The following CLIP2 variants were observed in gnomAD, a reference collection of about 807,000 sequenced individuals.
The protein encoded by CLIP2 is CAP-Gly domain containing linker protein 2.
CLIP2 carries 41 observed loss-of-function variants against 111.7 expected under a neutral mutation model. That is an observed-to-expected ratio of 0.37 (90% CI 0.29 to 0.48). The LOEUF is 0.48. Among genes scored for constraint, CLIP2 ranks in the 20% least tolerant of loss-of-function variants. The pLI is 0.99. For synonymous variants in CLIP2, 660 were observed against 644.2 expected (o/e 1.02, Z -0.37); for missense variants, 1,160 against 1,422.1 (o/e 0.82, Z 2.96).
At chr7:74,370,073 G>A (rs1407533953) in intron 8 of CLIP2, among the ~76,000 whole-genome samples, 2 of 76,404 alleles carry the variant, frequency 2.6e-5, no homozygotes, top group East Asian at 8.7e-4. Context: ...CAGGAGAATC[G>A]CTTGAACCCA....
chr7:74,315,823 C>T (rs1788753332), intron 1 of CLIP2, among the ~76,000 whole-genome samples: 2 of 151,940 alleles, frequency 1.3e-5, no homozygotes, highest in South Asian at 4.1e-4. Flanking sequence ...CCGCCCACCT[C>T]AGCCTCTCAA....
At chr7:74,310,673 C>T (rs181470664) in intron 1 of CLIP2, among the ~76,000 whole-genome samples, 24 of 151,438 alleles carry the variant, frequency 1.6e-4, no homozygotes, top group African/African-American at 5.1e-4. Context: ...ATTTTTGCTT[C>T]TCTTGGGTGG....
At chr7:74,324,278 C>A (rs1554730409) in intron 2 of CLIP2, among the ~76,000 whole-genome samples, 1 of 152,196 alleles carries the variant, frequency 6.6e-6, no homozygotes, top group African/African-American at 2.4e-5. Context: ...AGGTGTGAGC[C>A]CCCGTTCCTG....
chr7:74,323,806 T>G (rs1447989577), intron 2 of CLIP2, among the ~76,000 whole-genome samples: 1 of 152,196 alleles, frequency 6.6e-6, no homozygotes, highest in East Asian at 1.9e-4. Flanking sequence ...TACTGTAACA[T>G]GCTAAATAGG....
intron 7 of CLIP2, among the ~76,000 whole-genome samples, chr7:74,361,122 C>T (rs1554309627): frequency 6.9e-6 from 1 of 145,284 alleles, no homozygotes; most frequent in African/African-American, 2.5e-5. Flanking sequence ...TTCCCTCCCT[C>T]CCTCCCTCCA....
intron 1 of CLIP2, among the ~76,000 whole-genome samples, chr7:74,291,991 C>G (rs2116432615): frequency 6.7e-6 from 1 of 148,482 alleles, no homozygotes; most frequent in African/African-American, 2.5e-5. Context: ...ATGGCGCGAT[C>G]TTGGCTCACT....
intron 1 of CLIP2, among the ~76,000 whole-genome samples, chr7:74,293,350 C>T (rs1054407418): frequency 6.6e-6 from 1 of 152,158 alleles, no homozygotes; most frequent in Admixed American, 6.6e-5. Context: ...TTCGGCCTCT[C>T]TCAGCGCATC....
rs1790362335 is a variant in CLIP2 at position 74,362,536 on chromosome 7, T to TTC, written c.1320-1718_1320-1717insCT. Reference sequence around the variant, plus strand: ...TTTTTTCTTTTTCTTTTCTTTTTTTTTTTTTTTTTTGTTTCTTTAGACAGA... The same window carrying TTC: ...TTTTTTCTTTTTCTTTTCTTTTTTTTTCTTTTTTTTTTGTTTCTTTAGACAGA... On this transcript the variant is annotated intron_variant, in intron 7 of 16. Coordinates refer to ENST00000223398, the MANE Select transcript of CLIP2 (RefSeq NM_003388.5). Among the ~76,000 whole-genome samples, 9 of 147,978 alleles carry TTC rather than the reference T, an allele frequency of 6.1e-5. 1 individual carries two copies. In the South Asian group the frequency reaches 1.8e-3, roughly 29 times the overall value.
chr7:74,312,991 G>A (rs1002499773), intron 1 of CLIP2, among the ~76,000 whole-genome samples: 4 of 151,772 alleles, frequency 2.6e-5, no homozygotes, highest in Admixed American at 2.6e-4. Flanking sequence ...TTTTGGAAAT[G>A]CAAATGACAT....
chr7:74,365,461 G>C (rs1269045458), intron 8 of CLIP2, among the ~76,000 whole-genome samples: 1 of 152,050 alleles, frequency 6.6e-6, no homozygotes, highest in South Asian at 2.1e-4. Flanking sequence ...TGTGTTTCTC[G>C]GCTCTGCTCT....
In CLIP2 at chr7:74,317,620, C is replaced by T; in HGVS notation, c.74C>T (p.Thr25Ile). The T allele has an allele frequency of 6.6e-7, 1 of 1,526,112 alleles. No individual in the cohort carries two copies. Among genetic ancestry groups the T allele is most frequent in the Non-Finnish European group, 8.8e-7 (1 of 1,130,882 alleles). The allele number at this position is 1,526,112 out of a possible 1,614,324, so 94.5% of individuals were successfully genotyped here. A position where few individuals can be genotyped will look rare whatever the true frequency, so the allele number is the denominator to read the frequency against. The change falls in exon 2 of 17, where the codon ACT becomes ATT. Residue 25 changes from threonine to isoleucine, a missense_variant. This residue lies in a region of CLIP2 where 301 missense variants were observed against 315.2 expected (regional missense o/e 0.96). Transcript: ENST00000223398. ...KHSSPMGRTS[T>I]GSASSSAAVA... ...TCCAGCCCCATGGGCCGGACATCTA[C>T]TGGGTCAGCTTCATCCTCGGCGGCG...
intron 6 of CLIP2, among the ~76,000 whole-genome samples, chr7:74,359,377 A>C (rs1790249747): frequency 7.5e-6 from 1 of 134,052 alleles, no homozygotes; most frequent in African/African-American, 2.9e-5. Context: ...TTTTTGAGGC[A>C]GAGTCTCGCT....
At chr7:74,378,432 T>C (rs1318764405) in intron 10 of CLIP2, among the ~76,000 whole-genome samples, 1 of 151,930 alleles carries the variant, frequency 6.6e-6, no homozygotes, top group Non-Finnish European at 1.5e-5. Context: ...CTGACCACCC[T>C]CATGTATATT....
At position 74,404,014 on chromosome 7, in the gene CLIP2, G is replaced by A. The variant is rs1554318160; in HGVS notation, c.*166G>A. On this transcript the variant is annotated 3_prime_UTR_variant, in exon 17 of 17. Transcript: ENST00000223398. ...GGACAATCCCCCACCCCGATCCCTC[G>A]CCAGACCAGGACGCTTCCTCAAGCC... 1.3e-5 allele frequency: 10 copies of A among 743,438 alleles called. No homozygotes were observed. The highest frequency in any genetic ancestry group is 5.4e-5 in the East Asian group (2 of 37,312). 46.1% of individuals were successfully genotyped at this position (743,438 alleles called of 1,614,324 possible).
chr7:74,348,444 C>T (rs1789865439), intron 3 of CLIP2, among the ~76,000 whole-genome samples: 1 of 151,904 alleles, frequency 6.6e-6, no homozygotes, highest in East Asian at 1.9e-4. Context: ...TCCCTTGAGC[C>T]TAGGAATTTG....
intron 3 of CLIP2, among the ~76,000 whole-genome samples, chr7:74,351,195 G>A (rs1432502239): frequency 2.6e-5 from 4 of 151,802 alleles, no homozygotes; most frequent in Admixed American, 6.6e-5. Flanking sequence ...GGTGGCTCAC[G>A]CCTATAATCT....
chr7:74,375,510 G>A (rs1258669287), intron 9 of CLIP2, among the ~76,000 whole-genome samples: 10 of 117,484 alleles, frequency 8.5e-5, no homozygotes, highest in African/African-American at 2.3e-4. Context: ...GTGAGATCAC[G>A]CCACTGCATT....
chr7:74,320,855 T>C (rs1029473386), intron 2 of CLIP2, among the ~76,000 whole-genome samples: 7 of 152,126 alleles, frequency 4.6e-5, no homozygotes, highest in Admixed American at 2.0e-4. Flanking sequence ...AGGCACCCAG[T>C]GGGCTGAGCT....
At chr7:74,353,767 G>A in intron 3 of CLIP2, 113 bp from the exon 4 acceptor site, 11 of 1,449,406 alleles carry the variant, frequency 7.6e-6, no homozygotes, top group Admixed American at 3.4e-5. Flanking sequence ...CCTGGCTCCC[G>A]TGTCCTCTGC....
Sources: gnomAD v4.1 joint callset for allele counts (sites outside exome capture counted in the v4.1 genomes callset) on GRCh38, gnomAD v4.1.1 for gene constraint, gnomAD v4.1.1 regional missense constraint, MANE v1.5 for transcripts, NCBI Gene and HGNC (gene_info 2026-07-23, HGNC 2026-07-21) for gene names.